Variants in ACOXL observed in about 807,000 individuals in gnomAD.
ACOXL encodes acyl-coenzyme A oxidase-like protein.
Under a neutral mutation model 71.9 loss-of-function variants are expected in ACOXL, and 70 were observed. The observed-to-expected ratio is 0.97, with a 90% CI of 0.80 to 1.19. The LOEUF (loss-of-function observed/expected upper bound fraction) is 1.19, where lower values mean the gene tolerates loss of function less well. Ranked by LOEUF, ACOXL falls within the 50% of genes most tolerant of loss-of-function variation. The pLI is 0.00. For synonymous variants in ACOXL, 253 were observed against 281.6 expected (o/e 0.90, Z 1.02); for missense variants, 703 against 736.3 (o/e 0.95, Z 0.52).
intron 10 of ACOXL, among the ~76,000 whole-genome samples, chr2:110,886,039 A>C (rs1454429493): frequency 6.6e-6 from 1 of 152,148 alleles, no homozygotes; most frequent in African/African-American, 2.4e-5. Flanking sequence ...TTTAAAAATT[A>C]TTTTGTCCAG....
At chr2:110,779,116 G>A (rs558596751) in intron 2 of ACOXL, among the ~76,000 whole-genome samples, 4 of 152,282 alleles carry the variant, frequency 2.6e-5, no homozygotes, top group East Asian at 3.9e-4. Context: ...CAATAATGTC[G>A]TGAAAAGAGA....
chr2:110,805,381 A>G lies in ACOXL; in HGVS notation c.739A>G (p.Met247Val). The change falls in exon 9 of 18, where the codon ATG becomes GTG. Residue 247 changes from methionine to valine, a missense_variant. Physicochemically the swap from Met to Val is conservative, Grantham distance 21 (BLOSUM62 1). Transcript: ENST00000439055. ...GAGATTAGCTGTGGCTTTCCAAGCT[A>G]TGGGTGCCATGAAGGTAATTGACTC... ...PSRLAVAFQA[M>V]GAMKLGLTIA... is the part of the protein sequence containing the mutation. 2.5e-6 allele frequency: 4 copies of G among 1,614,172 alleles called. No homozygotes were observed. The highest frequency in any genetic ancestry group is 3.4e-6 in the Non-Finnish European group (4 of 1,179,996).
At chr2:110,948,683 C>G (rs1190290722) in intron 12 of ACOXL, among the ~76,000 whole-genome samples, 1 of 132,004 alleles carries the variant, frequency 7.6e-6, no homozygotes, top group African/African-American at 2.9e-5. Context: ...AGCCAGGGAC[C>G]AAGGAAGATC....
At chr2:111,092,502 C>T (rs987208519) in intron 16 of ACOXL, among the ~76,000 whole-genome samples, 1 of 152,154 alleles carries the variant, frequency 6.6e-6, no homozygotes, top group African/African-American at 2.4e-5. Context: ...GTATCTTTCA[C>T]GTGGACTTTG....
At chr2:110,836,859 C>T (rs919721389) in intron 9 of ACOXL, among the ~76,000 whole-genome samples, 1 of 152,214 alleles carries the variant, frequency 6.6e-6, no homozygotes, top group Admixed American at 6.5e-5. Flanking sequence ...TCTGCAGACC[C>T]GGGTATAAGC....
chr2:110,758,851 G>A (rs191667897), intron 1 of ACOXL, among the ~76,000 whole-genome samples: 5 of 152,218 alleles, frequency 3.3e-5, no homozygotes, highest in Admixed American at 6.5e-5. Flanking sequence ...CTTTACCTGC[G>A]TCACAGAGAT....
intron 9 of ACOXL, among the ~76,000 whole-genome samples, chr2:110,809,294 G>A (rs758221592): frequency 3.9e-5 from 6 of 152,244 alleles, no homozygotes; most frequent in Non-Finnish European, 7.3e-5. Flanking sequence ...ACACTTGGCA[G>A]TGTGGCCCTG....
chr2:110,798,709 G>GC lies in ACOXL; in HGVS notation c.445_446insC (p.Asp149AlafsTer17), dbSNP rs1259497163. ...AGCTGTCTTTGCCCAGCTCATCATA[G>GC]ATGGAAGATCTCAAGGTTTGTTACC... On this transcript the variant is annotated frameshift_variant, in exon 6 of 18. Coordinates refer to ENST00000439055, the MANE Select transcript of ACOXL (RefSeq NM_001142807.4). LOFTEE classifies it high-confidence loss of function. 1 of 1,613,940 alleles carries GC rather than the reference G, an allele frequency of 6.2e-7. No individual in the cohort carries two copies. The highest frequency in any genetic ancestry group is 1.7e-5 in the Admixed American group (1 of 60,002).
chr2:110,841,259 G>A, intron 9 of ACOXL, 112 bp from the exon 10 acceptor site: 1 of 724,364 alleles, frequency 1.4e-6, no homozygotes, highest in Non-Finnish European at 2.4e-6. Context: ...TAGCTGTAGG[G>A]CATTTTAGAA....
chr2:111,097,108 T>G (rs909961236), intron 17 of ACOXL, among the ~76,000 whole-genome samples: 17 of 152,250 alleles, frequency 1.1e-4, no homozygotes, highest in African/African-American at 3.6e-4. Flanking sequence ...TCTGACTTGT[T>G]TATTTCTCTG....
At chr2:111,067,680 G>A (rs1483820223) in intron 16 of ACOXL, among the ~76,000 whole-genome samples, 1 of 152,208 alleles carries the variant, frequency 6.6e-6, no homozygotes, top group Admixed American at 6.5e-5. Context: ...ATGGGTGGTT[G>A]CTTTAGGAAA....
At chr2:110,811,110 G>T (rs185680203) in intron 9 of ACOXL, among the ~76,000 whole-genome samples, 4 of 152,296 alleles carry the variant, frequency 2.6e-5, no homozygotes, top group Admixed American at 2.0e-4. Flanking sequence ...GATGAGATTT[G>T]GGGGGAACAC....
At chr2:110,787,555 A>G (rs56011109) in intron 3 of ACOXL, among the ~76,000 whole-genome samples, 1 of 151,504 alleles carries the variant, frequency 6.6e-6, no homozygotes, top group Non-Finnish European at 1.5e-5. Flanking sequence ...AAAAAAAAGA[A>G]AAAGAAAAAA....
chr2:111,056,520 G>A (rs731969), intron 16 of ACOXL, among the ~76,000 whole-genome samples: 3,790 of 152,108 alleles, frequency 0.025, 180 homozygotes, highest in African/African-American at 0.087. Flanking sequence ...CAGGCATGGT[G>A]GCTCACGCCT....
intron 16 of ACOXL, among the ~76,000 whole-genome samples, chr2:111,058,162 T>C (rs1192104811): frequency 1.3e-5 from 2 of 152,166 alleles, no homozygotes; most frequent in African/African-American, 4.8e-5. Context: ...AGAGCAAAAT[T>C]TGGCTCTCGG....
intron 17 of ACOXL, chr2:111,093,757 G>A (rs1574741776): frequency 1.4e-5 from 6 of 424,092 alleles, no homozygotes; most frequent in East Asian, 4.0e-5. Context: ...CCAGCTACTC[G>A]GGAGGCTGAG....
intron 12 of ACOXL, among the ~76,000 whole-genome samples, chr2:110,978,907 T>A (rs2062578569): frequency 6.6e-6 from 1 of 152,170 alleles, no homozygotes; most frequent in Admixed American, 6.5e-5. Context: ...TTGAAAAAAA[T>A]TCCACAAGTA....
intron 10 of ACOXL, among the ~76,000 whole-genome samples, chr2:110,872,725 G>A (rs1266281072): frequency 1.3e-5 from 2 of 152,230 alleles, no homozygotes; most frequent in African/African-American, 4.8e-5. Context: ...GGAGGCCCAG[G>A]TTTCAGTTCT....
intron 12 of ACOXL, among the ~76,000 whole-genome samples, chr2:110,942,206 G>A (rs1360228829): frequency 1.3e-5 from 2 of 152,090 alleles, no homozygotes; most frequent in Non-Finnish European, 2.9e-5. Context: ...TAGCAAAATG[G>A]TATATTTAAA....
Sources: gnomAD v4.1 joint callset for allele counts (sites outside exome capture counted in the v4.1 genomes callset) on GRCh38, gnomAD v4.1.1 for gene constraint, MANE v1.5 for transcripts, NCBI Gene and HGNC (gene_info 2026-07-23, HGNC 2026-07-21) for gene names.